Variants in GRM4 observed in about 807,000 individuals in gnomAD.
GRM4 encodes the protein glutamate metabotropic receptor 4.
Under a neutral mutation model 81.7 loss-of-function variants are expected in GRM4, and 28 were observed. The ratio of observed to expected loss-of-function variants is 0.34; its 90% confidence interval spans 0.25 to 0.47. The LOEUF is 0.47. Among genes scored for constraint, GRM4 ranks in the 20% least tolerant of loss-of-function variants. The pLI is 1.00. For missense variants in GRM4, 948 were observed against 1,290.0 expected, an observed-to-expected ratio of 0.73 and a Z score of 4.06; for synonymous variants, 488 against 528.8, an observed-to-expected ratio of 0.92 and a Z score of 1.06.
Position 34,049,427 on chromosome 6 carries a change from A to C in GRM4, c.1168+7117T>G, listed in dbSNP as rs149090362. ...TGGCCCCCTTCTCTCTGCCCCCAAC[A>C]CTCCAGCATCCAGGGCTCACTGGGA... On this transcript the variant is annotated intron_variant, in intron 6 of 10. Transcript: ENST00000538487. 6.5e-3 allele frequency among the ~76,000 whole-genome samples: 965 copies of C among 149,310 alleles called. 16 individuals carry two copies. The highest frequency in any genetic ancestry group is 0.023 in the African/African-American group (914 of 40,460).
intron 1 of GRM4, among the ~76,000 whole-genome samples, chr6:34,153,686 G>A (rs1354182740): frequency 2.6e-5 from 4 of 152,200 alleles, no homozygotes; most frequent in Non-Finnish European, 5.9e-5. Flanking sequence ...AGGAGTTCAA[G>A]ACCAGCCTGA....
chr6:34,082,594 C>T (rs1767661652), intron 3 of GRM4, among the ~76,000 whole-genome samples: 1 of 152,214 alleles, frequency 6.6e-6, no homozygotes, highest in Admixed American at 6.5e-5. Context: ...AGAGCCAGGA[C>T]CAGAACTCAG....
intron 1 of GRM4, among the ~76,000 whole-genome samples, chr6:34,154,179 T>C (rs1163671633): frequency 2.0e-5 from 3 of 152,184 alleles, no homozygotes; most frequent in Non-Finnish European, 4.4e-5. Context: ...GGTTTCCTCA[T>C]TGGTAAGGAG....
intron 2 of GRM4, among the ~76,000 whole-genome samples, chr6:34,118,621 C>G (rs1198044382): frequency 6.6e-6 from 1 of 152,224 alleles, no homozygotes; most frequent in Non-Finnish European, 1.5e-5. Context: ...GGATTTATCC[C>G]TGAGTTCCCT....
At chr6:34,153,889 T>C (rs1771094731) in intron 1 of GRM4, among the ~76,000 whole-genome samples, 1 of 147,552 alleles carries the variant, frequency 6.8e-6, no homozygotes, top group South Asian at 2.1e-4. Context: ...ATCACTCCAC[T>C]GCACTCCAAC....
chr6:34,044,077 G>GACAC (rs139572683), intron 6 of GRM4, among the ~76,000 whole-genome samples: 1,542 of 144,550 alleles, frequency 0.011, 15 homozygotes, highest in Non-Finnish European at 0.016. Flanking sequence ...TATATACACA[G>GACAC]ACACACACAC....
In GRM4 at chr6:34,115,304, C is replaced by T. The variant is rs558673138; in HGVS notation, c.519+17674G>A. ...CCCCCGTGGGTGAGGACAGCAGGCACAACACAGCCACTGCTGAATTATTTA... is the reference window on the plus strand; with the variant it reads ...CCCCCGTGGGTGAGGACAGCAGGCATAACACAGCCACTGCTGAATTATTTA... On this transcript the variant is annotated intron_variant, in intron 2 of 10. Coordinates refer to ENST00000538487, the MANE Select transcript of GRM4 (RefSeq NM_000841.4). This position sits in a 1 kb window ranked among gnomAD's most constrained non-coding sequence, Gnocchi z 4.1. Among the ~76,000 whole-genome samples, 293 of 152,330 alleles carry T rather than the reference C, an allele frequency of 1.9e-3. No individual in the cohort carries two copies. The highest frequency in any genetic ancestry group is 3.3e-3 in the Non-Finnish European group (223 of 68,024).
intron 2 of GRM4, among the ~76,000 whole-genome samples, chr6:34,104,262 G>GC (rs1769005083): frequency 6.6e-6 from 1 of 152,232 alleles, no homozygotes; most frequent in African/African-American, 2.4e-5. Flanking sequence ...AGCAGGGTGG[G>GC]CTTCCCCGGG....
intron 2 of GRM4, among the ~76,000 whole-genome samples, chr6:34,107,789 T>C (rs1361831687): frequency 6.6e-6 from 1 of 152,158 alleles, no homozygotes; most frequent in East Asian, 1.9e-4. Flanking sequence ...GGGAGGCCAC[T>C]GCAATGGTCC....
intron 3 of GRM4, among the ~76,000 whole-genome samples, chr6:34,072,787 AAC>A (rs1309650472): frequency 1.9e-4 from 4 of 21,042 alleles, no homozygotes; most frequent in Admixed American, 5.0e-4. Flanking sequence ...CACAGACCCA[AAC>A]ACATCACCAC....
At chr6:34,123,486 C>A (rs1345410147) in intron 2 of GRM4, among the ~76,000 whole-genome samples, 1 of 152,182 alleles carries the variant, frequency 6.6e-6, no homozygotes, top group Non-Finnish European at 1.5e-5. Flanking sequence ...TTTTCACCTG[C>A]ACCTGGAAAG....
chr6:34,065,909 A>G (rs1411182252), intron 3 of GRM4, among the ~76,000 whole-genome samples: 1 of 151,856 alleles, frequency 6.6e-6, no homozygotes, highest in Non-Finnish European at 1.5e-5. Flanking sequence ...GAAGTTTGGG[A>G]TCCAGGCCAG....
chr6:34,075,994 C>G (rs1444709488), intron 3 of GRM4, among the ~76,000 whole-genome samples: 1 of 152,188 alleles, frequency 6.6e-6, no homozygotes, highest in Non-Finnish European at 1.5e-5. Context: ...TGTGTTGGGG[C>G]AGAGAGAGGC....
chr6:34,072,919 G>T, intron 3 of GRM4, among the ~76,000 whole-genome samples: 1 of 36,110 alleles, frequency 2.8e-5, no homozygotes, highest in African/African-American at 1.2e-4. Flanking sequence ...TCACCACACA[G>T]ATACATACAC....
chr6:34,030,402 T>A (rs1478966619), intron 9 of GRM4, among the ~76,000 whole-genome samples: 3 of 152,194 alleles, frequency 2.0e-5, no homozygotes, highest in Non-Finnish European at 4.4e-5. Context: ...GCAGTGCAAT[T>A]GGGCCCACAT....
intron 2 of GRM4, among the ~76,000 whole-genome samples, chr6:34,122,649 A>AG (rs1359902381): frequency 2.0e-5 from 3 of 151,276 alleles, no homozygotes; most frequent in Admixed American, 6.6e-5. Flanking sequence ...CTGCAGACTA[A>AG]GGGGGGTCCA....
chr6:34,154,798 G>A (rs1260294096), intron 1 of GRM4, among the ~76,000 whole-genome samples: 5 of 152,212 alleles, frequency 3.3e-5, no homozygotes, highest in Non-Finnish European at 7.3e-5. Flanking sequence ...TCAGGATGGA[G>A]GGCCAGTTCA....
At position 34,042,258 on chromosome 6, in the gene GRM4, T is replaced by G. The variant is rs1765052405; in HGVS notation, c.1169-1510A>C. ...TCCAGCCTGAGCGACAGAGTGAGAC[T>G]CCATCTCAAAAAGAAACTGAAGCCC... On this transcript the variant is annotated intron_variant, in intron 6 of 10. Transcript: ENST00000538487. The surrounding 1 kb of genome is among the most constrained non-coding windows in gnomAD (Gnocchi z 4.2). Among the ~76,000 whole-genome samples, 1 of 152,162 alleles carries G rather than the reference T, an allele frequency of 6.6e-6. No individual in the cohort carries two copies. Among genetic ancestry groups the G allele is most frequent in the South Asian group, 2.1e-4 (1 of 4,824 alleles).
rs1300423730 is a variant in GRM4, at chr6:34,068,076, G to A, written c.737-6048C>T. On this transcript the variant is annotated intron_variant, in intron 3 of 10. Transcript: ENST00000538487. This position sits in a 1 kb window ranked among gnomAD's most constrained non-coding sequence, Gnocchi z 4.2. ...AGAAGCCCGGCGCCATGCAGCCTGC[G>A]TCCCAGGGTGGGAAGGAACCGTAAA... Among the ~76,000 whole-genome samples the A allele has an allele frequency of 2.0e-5, 3 of 152,200 alleles. No individual in the cohort carries two copies. Among genetic ancestry groups the A allele is most frequent in the East Asian group, 1.9e-4 (1 of 5,196 alleles).
Sources: gnomAD v4.1 joint callset for allele counts (sites outside exome capture counted in the v4.1 genomes callset) on GRCh38, gnomAD v4.1.1 for gene constraint, Gnocchi (gnomAD v3.1) non-coding constraint, MANE v1.5 for transcripts, NCBI Gene and HGNC (gene_info 2026-07-23, HGNC 2026-07-21) for gene names.